Variants in ACOXL observed in about 807,000 individuals in gnomAD.
ACOXL encodes acyl-coenzyme A oxidase-like protein.
ACOXL carries 70 observed loss-of-function variants against 71.9 expected under a neutral mutation model. The ratio of observed to expected loss-of-function variants is 0.97; its 90% CI spans 0.80 to 1.19. The LOEUF (loss-of-function observed/expected upper bound fraction) is 1.19. ACOXL is among the 50% of genes most tolerant of loss of function. The pLI, the probability that ACOXL is intolerant of heterozygous loss-of-function variation, is 0.00. For missense variants in ACOXL, 703 were observed against 736.3 expected (o/e 0.95, Z 0.52); for synonymous variants, 253 against 281.6 (o/e 0.90, Z 1.02).
chr2:110,971,093 A>G (rs934582380), intron 12 of ACOXL, among the ~76,000 whole-genome samples: 4 of 152,214 alleles, frequency 2.6e-5, no homozygotes, highest in African/African-American at 9.6e-5. Context: ...TGAGTCTAGA[A>G]TATATAAAGA....
intron 10 of ACOXL, among the ~76,000 whole-genome samples, chr2:110,854,360 A>G (rs966000072): frequency 2.0e-5 from 3 of 152,122 alleles, no homozygotes; most frequent in African/African-American, 7.2e-5. Flanking sequence ...AGGAGGCAGG[A>G]TGTGGAGGTT....
At chr2:111,017,910 C>T (rs752884823) in intron 14 of ACOXL, 5 of 152,136 alleles carry the variant, frequency 3.3e-5, no homozygotes, top group Non-Finnish European at 5.9e-5. Context: ...CTCTCCCTGC[C>T]GCTTGCAAAG....
chr2:110,760,402 C>T (rs1680247870), intron 1 of ACOXL, among the ~76,000 whole-genome samples: 1 of 152,172 alleles, frequency 6.6e-6, no homozygotes, highest in South Asian at 2.1e-4. Flanking sequence ...CCTCAGCCTC[C>T]CAAAGTGCTG....
At chr2:111,113,049 A>G (rs2070102126) in intron 17 of ACOXL, 1 of 152,256 alleles carries the variant, frequency 6.6e-6, no homozygotes, top group Non-Finnish European at 1.5e-5. Flanking sequence ...CACACAGAAT[A>G]CAGATTCTGA....
chr2:110,770,870 C>T (rs1681823126), intron 2 of ACOXL, among the ~76,000 whole-genome samples: 1 of 152,214 alleles, frequency 6.6e-6, no homozygotes, highest in South Asian at 2.1e-4. Flanking sequence ...AGAGCTGATC[C>T]CTTAATGAGG....
chr2:111,028,543 C>T (rs2065119952), intron 14 of ACOXL, among the ~76,000 whole-genome samples: 1 of 102,698 alleles, frequency 9.7e-6, no homozygotes, highest in Non-Finnish European at 2.1e-5. Context: ...AAAGGAAGTG[C>T]TGATAACAGA....
chr2:111,108,371 C>T (rs1223929510), intron 17 of ACOXL, among the ~76,000 whole-genome samples: 360 of 71,018 alleles, frequency 5.1e-3, no homozygotes, highest in South Asian at 6.2e-3. Context: ...GTGCATGAAT[C>T]TTTTTTTTTT....
intron 14 of ACOXL, among the ~76,000 whole-genome samples, chr2:111,004,040 G>A (rs760437852): frequency 6.6e-6 from 1 of 152,302 alleles, no homozygotes; most frequent in African/African-American, 2.4e-5. Context: ...ACCTGCATTA[G>A]TTTGGTGTAT....
chr2:111,015,247 A>G (rs750357243), intron 14 of ACOXL, among the ~76,000 whole-genome samples: 4 of 152,262 alleles, frequency 2.6e-5, no homozygotes, highest in Non-Finnish European at 5.9e-5. Flanking sequence ...TCCAGAATAT[A>G]TAAAGAATAC....
chr2:110,892,703 G>C (rs1574016271), intron 10 of ACOXL, among the ~76,000 whole-genome samples: 1 of 152,262 alleles, frequency 6.6e-6, no homozygotes, highest in Non-Finnish European at 1.5e-5. Flanking sequence ...AGATGAAAAA[G>C]GGATGCCTGA....
At chr2:110,811,898 C>G (rs1687381040) in intron 9 of ACOXL, among the ~76,000 whole-genome samples, 1 of 152,052 alleles carries the variant, frequency 6.6e-6, no homozygotes. Context: ...CAGATTGTTT[C>G]CTGGTGTGGA....
chr2:111,023,622 G>A (rs1454438897), intron 14 of ACOXL, among the ~76,000 whole-genome samples: 2 of 152,150 alleles, frequency 1.3e-5, no homozygotes, highest in East Asian at 1.9e-4. Context: ...CTGAGCGTTA[G>A]GTGGTCCTGG....
intron 12 of ACOXL, among the ~76,000 whole-genome samples, chr2:110,980,730 C>T (rs1412555342): frequency 2.0e-5 from 3 of 152,214 alleles, no homozygotes; most frequent in African/African-American, 2.4e-5. Flanking sequence ...GCCCTGGTGT[C>T]TAGCCCTGCC....
intron 11 of ACOXL, among the ~76,000 whole-genome samples, chr2:110,914,011 G>A (rs940063097): frequency 6.6e-6 from 1 of 152,108 alleles, no homozygotes; most frequent in Non-Finnish European, 1.5e-5. Context: ...GAGAAAATGA[G>A]GAGTGATTGC....
At chr2:110,828,755 G>T (rs760968419) in intron 9 of ACOXL, among the ~76,000 whole-genome samples, 3 of 152,254 alleles carry the variant, frequency 2.0e-5, no homozygotes, top group South Asian at 4.1e-4. Flanking sequence ...GGGCTGGGGG[G>T]TGGAATTAAG....
intron 9 of ACOXL, among the ~76,000 whole-genome samples, chr2:110,821,632 T>C (rs1053848737): frequency 1.3e-4 from 20 of 152,234 alleles, no homozygotes; most frequent in Admixed American, 1.0e-3. Flanking sequence ...ACTCTAAAGT[T>C]ACTCTTTTTC....
At chr2:110,739,430 T>A (rs1677242420) in intron 1 of ACOXL, among the ~76,000 whole-genome samples, 1 of 152,232 alleles carries the variant, frequency 6.6e-6, no homozygotes. Context: ...ACCATCCTCC[T>A]TTCTCAAGAC....
At chr2:111,104,823 A>C (rs977825328) in intron 17 of ACOXL, among the ~76,000 whole-genome samples, 14 of 152,170 alleles carry the variant, frequency 9.2e-5, no homozygotes, top group African/African-American at 2.7e-4. Flanking sequence ...TTTTTAATTT[A>C]ATAAAGTCTA....
chr2:110,791,506 A>G (rs1323965272), intron 3 of ACOXL, among the ~76,000 whole-genome samples: 1 of 152,236 alleles, frequency 6.6e-6, no homozygotes, highest in Non-Finnish European at 1.5e-5. Context: ...TGGTTTAGGG[A>G]AAAAACACGT....
Sources: gnomAD v4.1 joint callset for allele counts (sites outside exome capture counted in the v4.1 genomes callset) on GRCh38, gnomAD v4.1.1 for gene constraint, MANE v1.5 for transcripts, NCBI Gene and HGNC (gene_info 2026-07-23, HGNC 2026-07-21) for gene names.